CEP112: variants seen among roughly 807,000 people sequenced by gnomAD.
CEP112 encodes centrosomal protein of 112 kDa.
Under a neutral mutation model 153.0 loss-of-function variants are expected in CEP112, and 127 were observed. That is an observed-to-expected ratio of 0.83 (90% CI 0.72 to 0.96). The LOEUF (loss-of-function observed/expected upper bound fraction) is 0.96, where lower values mean the gene tolerates loss of function less well. Among genes scored for constraint, CEP112 ranks in the 40% least tolerant of loss-of-function variants. The probability of loss-of-function intolerance (pLI) is 0.00; values close to 1 mark genes in which losing one functional copy is unlikely to be tolerated. For missense variants in CEP112, 1,089 were observed against 1,101.2 expected (o/e 0.99, Z 0.16); for synonymous variants, 358 against 374.4 (o/e 0.96, Z 0.51).
intron 21 of CEP112, among the ~76,000 whole-genome samples, chr17:65,789,410 A>G (rs1250213072): frequency 1.3e-5 from 2 of 152,202 alleles, no homozygotes; most frequent in Admixed American, 1.3e-4. Context: ...TATAAATATG[A>G]TCATATCACT....
Position 66,069,974 on chromosome 17 carries a change from C to A in CEP112, c.796G>T (p.Ala266Ser). 1 of 1,606,226 alleles carries A rather than the reference C, an allele frequency of 6.2e-7. No individual in the cohort carries two copies. The highest frequency in any genetic ancestry group is 8.5e-7 in the Non-Finnish European group (1 of 1,175,474). Residue 266 changes from alanine (A) to serine (S), a missense_variant, in exon 9 of 27, where the codon GCT becomes TCT. Transcript: ENST00000535342. ...ELDMKTKMMEAKFHEEKLKLQ... is the reference protein window; with the variant it reads ...ELDMKTKMMESKFHEEKLKLQ... ...TTAAGCTTTTCTTCATGAAATTTAG[C>A]TTCCATCATTTTTGTTTTCATGTCC...
At chr17:66,155,214 T>C (rs1334427831) in intron 4 of CEP112, among the ~76,000 whole-genome samples, 1 of 152,032 alleles carries the variant, frequency 6.6e-6, no homozygotes, top group Non-Finnish European at 1.5e-5. Flanking sequence ...TGGGACTGGT[T>C]AGACAGTGGG....
At chr17:65,778,589 AT>A (rs1169386540) in intron 21 of CEP112, among the ~76,000 whole-genome samples, 4 of 151,948 alleles carry the variant, frequency 2.6e-5, no homozygotes, top group Non-Finnish European at 5.9e-5. Context: ...ATACTGTTTA[AT>A]GAATTAATTA....
At chr17:65,689,102 A>G (rs937558742) in intron 24 of CEP112, 27 bp downstream of exon 24, 2 of 1,495,286 alleles carry the variant, frequency 1.3e-6, no homozygotes, top group Non-Finnish European at 1.9e-6. Flanking sequence ...AGTAAACAAG[A>G]GAGTCAAATA....
chr17:65,867,518 A>T (rs2058525566), intron 20 of CEP112, among the ~76,000 whole-genome samples: 1 of 152,244 alleles, frequency 6.6e-6, no homozygotes, highest in African/African-American at 2.4e-5. Flanking sequence ...ATTATTACAA[A>T]GACCAATTAT....
At chr17:65,823,895 G>C (rs756020672) in intron 21 of CEP112, among the ~76,000 whole-genome samples, 4 of 152,118 alleles carry the variant, frequency 2.6e-5, no homozygotes, top group Non-Finnish European at 4.4e-5. Context: ...TTAGGGAAAT[G>C]CATGAATGGT....
At chr17:65,925,298 C>T (rs1419721329) in intron 19 of CEP112, among the ~76,000 whole-genome samples, 1 of 152,214 alleles carries the variant, frequency 6.6e-6, no homozygotes, top group Non-Finnish European at 1.5e-5. Context: ...CCATGTGGAA[C>T]TGTGAGTCCA....
intron 20 of CEP112, among the ~76,000 whole-genome samples, chr17:65,884,877 T>C (rs879703957): frequency 1.2e-4 from 18 of 152,022 alleles, no homozygotes; most frequent in Admixed American, 4.6e-4. Context: ...GCCACCACCC[T>C]GGCTAATTTT....
chr17:65,697,458 A>G (rs902603204), intron 23 of CEP112, among the ~76,000 whole-genome samples: 4 of 152,192 alleles, frequency 2.6e-5, no homozygotes, highest in Non-Finnish European at 4.4e-5. Context: ...TCTTTCTACT[A>G]CTGCTAAATG....
chr17:65,655,424 A>C, intron 24 of CEP112: 1 of 1,380,602 alleles, frequency 7.2e-7, no homozygotes, highest in African/African-American at 1.4e-5. Flanking sequence ...TGAAGATAAC[A>C]TTTTGTCTTT....
intron 8 of CEP112, among the ~76,000 whole-genome samples, chr17:66,082,742 G>A (rs557427137): frequency 3.1e-4 from 47 of 150,030 alleles, no homozygotes; most frequent in African/African-American, 7.1e-4. Context: ...CAGCCTGGGC[G>A]ACAGAGCGAG....
intron 24 of CEP112, among the ~76,000 whole-genome samples, chr17:65,687,160 A>ATTTTTTTTTTTTTTTTTTTTTTTTTTT (rs35675811): frequency 2.2e-5 from 2 of 90,142 alleles, no homozygotes; most frequent in Non-Finnish European, 2.0e-5. Context: ...GTTATTATTA[A>ATTTTTTTTTTTTTTTTTTTTTTTTTTT]TTTTTTTTTT....
In CEP112 at chr17:65,756,399, C is replaced by G. The variant is rs533173144; in HGVS notation, c.2395-5675G>C. On this transcript the variant is annotated intron_variant, in intron 21 of 26. Transcript: ENST00000535342. ...CCAGCCTGTGTGATGCAGCAAGACT[C>G]CGTCTCAAAAAAAAAAAAAAAAAAA... 4.6e-5 allele frequency among the ~76,000 whole-genome samples: 6 copies of G among 129,722 alleles called. No individual in the cohort carries two copies. In the East Asian group the frequency reaches 1.3e-3, roughly 27 times the overall value. 85.1% of individuals were successfully genotyped at this position (129,722 alleles called of 152,430 possible).
chr17:66,120,163 G>C (rs1467915012), intron 6 of CEP112, among the ~76,000 whole-genome samples: 1 of 152,044 alleles, frequency 6.6e-6, no homozygotes, highest in African/African-American at 2.4e-5. Context: ...AAATTTGTCA[G>C]TGAAACCATG....
At chr17:65,956,832 G>C (rs1599140343) in intron 18 of CEP112, among the ~76,000 whole-genome samples, 1 of 151,998 alleles carries the variant, frequency 6.6e-6, no homozygotes, top group Admixed American at 6.6e-5. Context: ...TGTTAAACTT[G>C]ATCAGCTATT....
intron 21 of CEP112, among the ~76,000 whole-genome samples, chr17:65,830,629 A>G (rs2057035783): frequency 1.3e-5 from 2 of 152,170 alleles, no homozygotes; most frequent in South Asian, 2.1e-4. Context: ...TTGCTGCTCT[A>G]TTGCAGCAGT....
intron 20 of CEP112, among the ~76,000 whole-genome samples, chr17:65,901,894 TA>T (rs2059862724): frequency 7.2e-6 from 1 of 138,588 alleles, no homozygotes; most frequent in African/African-American, 2.7e-5. Context: ...GACAAGATCA[TA>T]AAAAAGGGGG....
At chr17:65,865,294 G>A (rs1371393172) in intron 20 of CEP112, among the ~76,000 whole-genome samples, 1 of 152,056 alleles carries the variant, frequency 6.6e-6, no homozygotes, top group Non-Finnish European at 1.5e-5. Flanking sequence ...TGCCCATCTT[G>A]GCCTCCCAAA....
intron 6 of CEP112, among the ~76,000 whole-genome samples, chr17:66,117,440 T>C (rs962769200): frequency 4.6e-5 from 7 of 152,194 alleles, no homozygotes; most frequent in African/African-American, 1.7e-4. Flanking sequence ...ATGTTGCTCA[T>C]GGCTGACTCC....
Sources: gnomAD v4.1 joint callset for allele counts (sites outside exome capture counted in the v4.1 genomes callset) on GRCh38, gnomAD v4.1.1 for gene constraint, MANE v1.5 for transcripts, NCBI Gene and HGNC (gene_info 2026-07-23, HGNC 2026-07-21) for gene names.